The following SGCD variants were observed in gnomAD, a reference collection of about 807,000 sequenced individuals.
SGCD encodes the protein delta-sarcoglycan.
A neutral mutation model predicts 36.6 loss-of-function variants in SGCD; 18 were observed. That is an observed-to-expected ratio of 0.49 (90% confidence interval 0.34 to 0.73). The LOEUF (loss-of-function observed/expected upper bound fraction) is 0.73. Ranked by LOEUF, SGCD falls within the 30% of genes least tolerant of loss-of-function variation. The pLI is 0.01. For missense variants in SGCD, 387 were observed against 346.7 expected, an observed-to-expected ratio of 1.12 and a Z score of -0.92; for synonymous variants, 133 against 130.6, an observed-to-expected ratio of 1.02 and a Z score of -0.12.
chr5:156,671,494 G>A (rs1304799924), intron 7 of SGCD, among the ~76,000 whole-genome samples: 22 of 151,958 alleles, frequency 1.4e-4, no homozygotes, highest in East Asian at 7.7e-4. Context: ...GGCTGGTCTC[G>A]AACTCTGGAC....
intron 4 of SGCD, among the ~76,000 whole-genome samples, chr5:156,571,243 A>G (rs1475978457): frequency 6.6e-6 from 1 of 152,046 alleles, no homozygotes; most frequent in Non-Finnish European, 1.5e-5. Flanking sequence ...ATGGGGTTTC[A>G]TGATGTTGGC....
intron 7 of SGCD, among the ~76,000 whole-genome samples, chr5:156,736,722 T>C (rs1183269620): frequency 2.0e-5 from 3 of 152,242 alleles, no homozygotes; most frequent in Admixed American, 2.0e-4. Flanking sequence ...TACCACATAC[T>C]GCATAGGATG....
At chr5:156,435,085 A>G (rs1753187774) in intron 3 of SGCD, among the ~76,000 whole-genome samples, 1 of 152,214 alleles carries the variant, frequency 6.6e-6, no homozygotes. Context: ...TACTTAACTC[A>G]TTTTATCCCC....
intron 1 of SGCD, among the ~76,000 whole-genome samples, chr5:155,922,653 C>G (rs1023520169): frequency 1.3e-5 from 2 of 152,038 alleles, no homozygotes; most frequent in African/African-American, 4.8e-5. Context: ...GAGAGAGTTT[C>G]TGTGTGTGTG....
At chr5:156,278,234 G>C (rs1766369696) in intron 3 of SGCD, among the ~76,000 whole-genome samples, 1 of 152,154 alleles carries the variant, frequency 6.6e-6, no homozygotes, top group African/African-American at 2.4e-5. Flanking sequence ...GCTGTGACCT[G>C]ATTCTGGAGG....
chr5:156,133,284 A>G (rs1009178472), intron 3 of SGCD, among the ~76,000 whole-genome samples: 4 of 152,220 alleles, frequency 2.6e-5, no homozygotes, highest in Admixed American at 2.6e-4. Context: ...GAAATTTTAT[A>G]TAAATTCTAT....
At chr5:156,412,330 G>T (rs1772804932) in intron 3 of SGCD, among the ~76,000 whole-genome samples, 1 of 152,192 alleles carries the variant, frequency 6.6e-6, no homozygotes. Context: ...GTATATAAAA[G>T]TTCTTTAAAA....
chr5:156,630,428 G>A (rs182243782), intron 6 of SGCD, among the ~76,000 whole-genome samples: 9 of 152,252 alleles, frequency 5.9e-5, no homozygotes, highest in South Asian at 4.1e-4. Flanking sequence ...CAAGAACATC[G>A]TCACAGTCAA....
At chr5:155,962,080 T>A (rs1757802480) in intron 1 of SGCD, among the ~76,000 whole-genome samples, 1 of 152,088 alleles carries the variant, frequency 6.6e-6, no homozygotes, top group Admixed American at 6.6e-5. Context: ...ATTCCCTATA[T>A]TACAGATGAG....
At chr5:156,530,830 G>A (rs191196339) in intron 4 of SGCD, among the ~76,000 whole-genome samples, 207 of 151,614 alleles carry the variant, frequency 1.4e-3, no homozygotes, top group African/African-American at 4.1e-3. Context: ...CACCCATCTC[G>A]GCCTCCCAAA....
At chr5:156,603,323 C>T (rs1761277126) in intron 6 of SGCD, among the ~76,000 whole-genome samples, 1 of 151,892 alleles carries the variant, frequency 6.6e-6, no homozygotes, top group Non-Finnish European at 1.5e-5. Context: ...TGAGTCTTCT[C>T]TTTTTGTATT....
chr5:155,869,494 C>A (rs570329271), upstream of SGCD, among the ~76,000 whole-genome samples: 12 of 152,076 alleles, frequency 7.9e-5, no homozygotes, highest in East Asian at 1.9e-3. Context: ...GTTATTATAC[C>A]CATTTTATAG....
intron 3 of SGCD, among the ~76,000 whole-genome samples, chr5:156,454,809 A>G (rs140254831): frequency 5.3e-5 from 8 of 152,276 alleles, no homozygotes; most frequent in African/African-American, 1.7e-4. Context: ...GTGCCTGTCA[A>G]GAAAACTGCT....
intron 4 of SGCD, among the ~76,000 whole-genome samples, chr5:156,533,021 G>A (rs1441256619): frequency 2.0e-5 from 3 of 152,104 alleles, no homozygotes; most frequent in African/African-American, 7.2e-5. Context: ...TAACTGAAAT[G>A]CCATCTTATC....
At chr5:155,923,951 C>G (rs188937053) in intron 1 of SGCD, among the ~76,000 whole-genome samples, 2 of 152,282 alleles carry the variant, frequency 1.3e-5, no homozygotes, top group Non-Finnish European at 2.9e-5. Context: ...AAAGGGTCCT[C>G]ATTTAGATGT....
At chr5:156,694,710 A>T (rs1452831823) in intron 7 of SGCD, among the ~76,000 whole-genome samples, 2 of 152,192 alleles carry the variant, frequency 1.3e-5, no homozygotes, top group Non-Finnish European at 1.5e-5. Flanking sequence ...TTTAGACTAC[A>T]TTATTCTCCT....
rs1473426883 is a variant in SGCD at position 156,762,636 on chromosome 5, G to A, written c.*3246G>A. Reference sequence around the variant, plus strand: ...AAACTATGACCTGGAAACCAAATCTGACTTACCACCTTTTCCTGTAGTTAA... The same window carrying A: ...AAACTATGACCTGGAAACCAAATCTAACTTACCACCTTTTCCTGTAGTTAA... On this transcript the variant is annotated 3_prime_UTR_variant, in exon 9 of 9. Transcript: ENST00000337851. 2 of 152,600 alleles carry A rather than the reference G, an allele frequency of 1.3e-5. No individual in the cohort carries two copies. Among genetic ancestry groups the A allele is most frequent in the Admixed American group, 1.3e-4 (2 of 15,274 alleles). 9.5% of individuals were successfully genotyped at this position (152,600 alleles called of 1,614,324 possible).
chr5:155,966,529 C>T (rs1393639337), intron 1 of SGCD, among the ~76,000 whole-genome samples: 1 of 152,124 alleles, frequency 6.6e-6, no homozygotes, highest in Non-Finnish European at 1.5e-5. Context: ...TCTCTTGAGG[C>T]ACATCAACAA....
intron 3 of SGCD, among the ~76,000 whole-genome samples, chr5:156,300,960 A>G (rs1440319475): frequency 6.6e-6 from 1 of 151,900 alleles, no homozygotes; most frequent in Non-Finnish European, 1.5e-5. Context: ...GGCATGGCAT[A>G]TCTTTTTCCA....
Sources: gnomAD v4.1 joint callset for allele counts (sites outside exome capture counted in the v4.1 genomes callset) on GRCh38, gnomAD v4.1.1 for gene constraint, MANE v1.5 for transcripts, NCBI Gene and HGNC (gene_info 2026-07-23, HGNC 2026-07-21) for gene names.